The following PRH1 variants were observed in gnomAD, a reference collection of about 807,000 sequenced individuals.
PRH1 encodes the protein salivary acidic proline-rich phosphoprotein 1/2.
PRH1 carries 7 observed loss-of-function variants against 7.9 expected under a neutral mutation model. The observed-to-expected ratio is 0.89, with a 90% CI of 0.50 to 1.67. The LOEUF (loss-of-function observed/expected upper bound fraction) is 1.67, where lower values mean the gene tolerates loss of function less well. PRH1 is among the 40% of genes most tolerant of loss of function. The pLI is 0.00. For missense variants in PRH1, 109 were observed against 223.6 expected, an observed-to-expected ratio of 0.49 and a Z score of 3.27; for synonymous variants, 45 against 80.8, an observed-to-expected ratio of 0.56 and a Z score of 2.38.
In PRH1 at chr12:11,030,930, GC is replaced by G. The variant is rs779402643; in HGVS notation, c.-126+16089del. ...AGTTGACAAGCCAAAAATAGTAAAG[GC>G]CCCAACAGCATCACCAGAATGACAC... On this transcript the variant is annotated intron_variant, in intron 1 of 3. Coordinates refer to the PRH1 transcript ENST00000539853. 1.6e-5 allele frequency: 26 copies of G among 1,614,080 alleles called. No individual in the cohort carries two copies. The African/African-American group carries it at 3.3e-4, about 21-fold the overall frequency.
intron 2 of PRH1, chr12:10,891,607 C>T (rs921257289): frequency 6.6e-6 from 1 of 152,160 alleles, no homozygotes; most frequent in Non-Finnish European, 1.5e-5. Flanking sequence ...GGCTGTGTTC[C>T]ATCCTCGTTG....
chr12:10,967,141 A>G (rs923802410), intron 2 of PRH1, among the ~76,000 whole-genome samples: 1 of 151,814 alleles, frequency 6.6e-6, no homozygotes, highest in Non-Finnish European at 1.5e-5. Context: ...AAAAAGTAGA[A>G]AAAAACCTTT....
At chr12:10,896,475 T>G (rs953119958) in intron 2 of PRH1, among the ~76,000 whole-genome samples, 2 of 152,060 alleles carry the variant, frequency 1.3e-5, no homozygotes, top group Admixed American at 6.5e-5. Flanking sequence ...AGTATGGAAG[T>G]TTTTGGCCAG....
chr12:10,974,560 G>A (rs558393603), intron 1 of PRH1, among the ~76,000 whole-genome samples: 1 of 152,114 alleles, frequency 6.6e-6, no homozygotes, highest in African/African-American at 2.4e-5. Flanking sequence ...CATAAACAAA[G>A]CTAGTAAATG....
At chr12:10,979,799 T>A (rs1487929643) in intron 1 of PRH1, among the ~76,000 whole-genome samples, 1 of 152,182 alleles carries the variant, frequency 6.6e-6, no homozygotes, top group Admixed American at 6.6e-5. Flanking sequence ...AGACAGAGTC[T>A]ATAAAATTTG....
intron 1 of PRH1, chr12:11,031,058 T>G: frequency 1.2e-6 from 2 of 1,614,304 alleles, no homozygotes; most frequent in Non-Finnish European, 1.7e-6. Flanking sequence ...GTTGCTGAAA[T>G]GGCCGGTTAC....
chr12:10,958,900 G>A (rs539622765), intron 2 of PRH1, among the ~76,000 whole-genome samples: 6 of 152,264 alleles, frequency 3.9e-5, no homozygotes, highest in Non-Finnish European at 7.4e-5. Context: ...AAAATCTGGA[G>A]GAGAAGAATG....
intron 1 of PRH1, among the ~76,000 whole-genome samples, chr12:11,040,007 G>C (rs920126625): frequency 6.6e-6 from 1 of 152,102 alleles, no homozygotes; most frequent in African/African-American, 2.4e-5. Flanking sequence ...TGAGGCCTTT[G>C]ACTAAGTTTT....
At position 10,903,952 on chromosome 12, in the gene PRH1, A is replaced by AAAAAAC. The variant is rs1421438864; in HGVS notation, c.-58-19678_-58-19677insGTTTTT. On this transcript the variant is annotated intron_variant, in intron 2 of 3. Coordinates refer to the PRH1 transcript ENST00000539853. Reference sequence around the variant, plus strand: ...GCCTCAAAAAAAAAAAAAAAAAAAAAAACAACTAGGACTACAGCTAACCAA... The same window carrying AAAAAAC: ...GCCTCAAAAAAAAAAAAAAAAAAAAAAAAAACAACAACTAGGACTACAGCTAACCAA... 1.2e-3 allele frequency among the ~76,000 whole-genome samples: 172 copies of AAAAAAC among 144,872 alleles called. 1 individual carries two copies. Among genetic ancestry groups the AAAAAAC allele is most frequent in the African/African-American group, 4.2e-3 (166 of 39,214 alleles).
rs1255841303 is a variant in PRH1 at position 10,988,400 on chromosome 12, A to T, written c.-125-14679T>A. Among the ~76,000 whole-genome samples the T allele has an allele frequency of 2.0e-5, 3 of 152,082 alleles. No homozygotes were observed. The South Asian group carries it at 6.2e-4, about 32-fold the overall frequency. On this transcript the variant is annotated intron_variant, in intron 1 of 3. Coordinates refer to the PRH1 transcript ENST00000539853. Reference sequence around the variant, plus strand: ...AGGTAGATAATTAAAGGTAATAAAAAAATGTTTGAAAGGATTTGTGTGCTG... The same window carrying T: ...AGGTAGATAATTAAAGGTAATAAAATAATGTTTGAAAGGATTTGTGTGCTG...
chr12:10,999,143 A>G (rs1312727917), intron 1 of PRH1, among the ~76,000 whole-genome samples: 1 of 152,160 alleles, frequency 6.6e-6, no homozygotes, highest in East Asian at 1.9e-4. Flanking sequence ...TAAATATCTA[A>G]TGTGGTTTTG....
intron 2 of PRH1, among the ~76,000 whole-genome samples, chr12:10,949,073 T>G (rs529806355): frequency 2.2e-4 from 33 of 152,330 alleles, no homozygotes; most frequent in African/African-American, 7.9e-4. Flanking sequence ...AGTTCAAAAC[T>G]TGGCATTCCT....
intron 1 of PRH1, among the ~76,000 whole-genome samples, chr12:11,020,216 A>C (rs1218656022): frequency 1.3e-5 from 2 of 152,244 alleles, no homozygotes; most frequent in East Asian, 3.8e-4. Context: ...CCATTTATCC[A>C]ATCACTTATG....
chr12:11,069,405 T>C (rs1314205953), intron 1 of PRH1, among the ~76,000 whole-genome samples: 10 of 149,522 alleles, frequency 6.7e-5, no homozygotes, highest in Non-Finnish European at 1.0e-4. Context: ...ACAGGCATCA[T>C]TGCAGAGATT....
At chr12:10,990,306 C>T (rs764001805) in intron 1 of PRH1, among the ~76,000 whole-genome samples, 2 of 152,096 alleles carry the variant, frequency 1.3e-5, no homozygotes, top group Non-Finnish European at 1.5e-5. Flanking sequence ...TCACCATATA[C>T]AAAGATCAAA....
intron 1 of PRH1, among the ~76,000 whole-genome samples, chr12:11,152,610 G>T (rs1288536192): frequency 6.6e-6 from 1 of 152,120 alleles, no homozygotes; most frequent in Non-Finnish European, 1.5e-5. Flanking sequence ...CAGCTTGGGA[G>T]ATGACAGTAG....
intron 1 of PRH1, among the ~76,000 whole-genome samples, chr12:11,025,094 C>T (rs1591833730): frequency 2.0e-5 from 3 of 151,184 alleles, no homozygotes; most frequent in African/African-American, 7.3e-5. Flanking sequence ...TCTCTGCTCA[C>T]TGAAAGCTCC....
intron 1 of PRH1, among the ~76,000 whole-genome samples, chr12:10,977,569 A>C (rs147898482): frequency 7.9e-5 from 12 of 152,326 alleles, no homozygotes; most frequent in African/African-American, 2.6e-4. Context: ...GCAATCAGGC[A>C]ACAGAAAGAA....
chr12:11,002,511 C>A (rs2136022054), intron 1 of PRH1, among the ~76,000 whole-genome samples: 1 of 152,186 alleles, frequency 6.6e-6, no homozygotes, highest in Admixed American at 6.6e-5. Flanking sequence ...CTCCTTTGGG[C>A]TGTTTAATTT....
Sources: gnomAD v4.1 joint callset for allele counts (sites outside exome capture counted in the v4.1 genomes callset) on GRCh38, gnomAD v4.1.1 for gene constraint, MANE v1.5 for transcripts, NCBI Gene and HGNC (gene_info 2026-07-23, HGNC 2026-07-21) for gene names.